Variants in PARP12 observed in about 807,000 individuals in gnomAD.
PARP12 encodes the protein protein mono-ADP-ribosyltransferase PARP12.
In PARP12, 59 loss-of-function variants were observed where a neutral mutation model predicts 72.4. The observed-to-expected ratio is 0.81, with a 90% CI of 0.66 to 1.01. The LOEUF (loss-of-function observed/expected upper bound fraction) is 1.01. Among genes scored for constraint, PARP12 ranks in the 50% least tolerant of loss-of-function variants. PARP12 has a pLI of 0.00. For missense variants in PARP12, 851 were observed against 914.0 expected (o/e 0.93, Z 0.89); for synonymous variants, 403 against 371.4 (o/e 1.09, Z -0.98).
chr7:140,046,832 G>GTGTC (rs2116612901), intron 5 of PARP12, 52 bp downstream of exon 5: 1 of 1,096,082 alleles, frequency 9.1e-7, no homozygotes, highest in African/African-American at 2.1e-5. Context: ...GTGTGTGTGT[G>GTGTC]TCACACACAG....
intron 1 of PARP12, among the ~76,000 whole-genome samples, chr7:140,058,434 C>T (rs1011687386): frequency 5.9e-5 from 9 of 151,686 alleles, no homozygotes; most frequent in Non-Finnish European, 1.2e-4. Context: ...TGGCATGAAC[C>T]CGAGAGGCGG....
chr7:140,057,225 C>A, intron 2 of PARP12, 72 bp from the exon 3 acceptor site: 1 of 1,416,370 alleles, frequency 7.1e-7, no homozygotes, highest in Non-Finnish European at 9.6e-7. Context: ...AGTGGCCAGT[C>A]CACTGGTGAG....
At chr7:140,030,769 T>C (rs1413673357) in intron 8 of PARP12, among the ~76,000 whole-genome samples, 1 of 152,234 alleles carries the variant, frequency 6.6e-6, no homozygotes, top group Non-Finnish European at 1.5e-5. Context: ...CTGTAAACTT[T>C]CTTAAAACAT....
chr7:140,035,691 T>C (rs1257009755), intron 7 of PARP12, among the ~76,000 whole-genome samples: 1 of 152,232 alleles, frequency 6.6e-6, no homozygotes, highest in Non-Finnish European at 1.5e-5. Context: ...TTTGTGTGTT[T>C]TAAATGTACT....
Position 140,057,171 on chromosome 7 carries a change from A to C in PARP12, c.463-18T>G. The stretch of plus-strand genomic sequence containing the variant: ...TGGCAAATCTGTTGACAGAGAGGGA[A>C]AAAACCACCAGTTCAGGAAGGTCTC... On this transcript the variant is annotated intron_variant, in intron 2 of 11. Coordinates refer to ENST00000263549, the MANE Select transcript of PARP12 (RefSeq NM_022750.4). The C allele has an allele frequency of 6.2e-7, 1 of 1,603,284 alleles. No homozygotes were observed. The highest frequency in any genetic ancestry group is 2.2e-5 in the East Asian group (1 of 44,814).
At chr7:140,047,590 C>T (rs1816783936) in intron 4 of PARP12, among the ~76,000 whole-genome samples, 1 of 152,132 alleles carries the variant, frequency 6.6e-6, no homozygotes, top group Non-Finnish European at 1.5e-5. Context: ...AGACATACAT[C>T]TTCCTTCTTT....
At chr7:140,046,548 C>A (rs950550832) in intron 5 of PARP12, among the ~76,000 whole-genome samples, 1 of 152,218 alleles carries the variant, frequency 6.6e-6, no homozygotes, top group African/African-American at 2.4e-5. Flanking sequence ...CATGATCAAT[C>A]CCAGCACCAA....
chr7:140,056,420 T>G (rs1388919430), intron 3 of PARP12, among the ~76,000 whole-genome samples: 1 of 152,206 alleles, frequency 6.6e-6, no homozygotes, highest in Non-Finnish European at 1.5e-5. Context: ...AAGGTATGCT[T>G]CTTTCACTCA....
intron 8 of PARP12, 48 bp downstream of exon 8, chr7:140,034,187 A>AC (rs1816055206): frequency 6.3e-7 from 1 of 1,594,668 alleles, no homozygotes; most frequent in African/African-American, 1.3e-5. Context: ...TGCAGAGCAC[A>AC]CCCCAGCTGA....
chr7:140,060,857 A>C (rs1355824922), intron 1 of PARP12, among the ~76,000 whole-genome samples: 1 of 152,158 alleles, frequency 6.6e-6, no homozygotes, highest in East Asian at 1.9e-4. Context: ...TGGGGCTGCA[A>C]CTACAACATA....
intron 8 of PARP12, among the ~76,000 whole-genome samples, chr7:140,030,178 A>C (rs1442820723): frequency 2.0e-5 from 3 of 152,218 alleles, no homozygotes; most frequent in Non-Finnish European, 4.4e-5. Flanking sequence ...ACCAACAGGC[A>C]ATTTCTCAAA....
chr7:140,035,371 T>A (rs1166029710), intron 7 of PARP12, among the ~76,000 whole-genome samples: 1 of 152,228 alleles, frequency 6.6e-6, no homozygotes, highest in Non-Finnish European at 1.5e-5. Flanking sequence ...GAATCTTAAA[T>A]GGCTTTCACT....
At chr7:140,046,255 A>G (rs1360476483) in intron 5 of PARP12, among the ~76,000 whole-genome samples, 2 of 152,218 alleles carry the variant, frequency 1.3e-5, no homozygotes, top group African/African-American at 4.8e-5. Flanking sequence ...GTGCAAATTT[A>G]TTTTACACAC....
intron 6 of PARP12, among the ~76,000 whole-genome samples, chr7:140,039,843 A>G (rs1030405279): frequency 1.3e-5 from 2 of 152,186 alleles, no homozygotes; most frequent in Non-Finnish European, 2.9e-5. Flanking sequence ...AGCACGTGGC[A>G]TATCAATAAC....
At position 140,054,710 on chromosome 7, in the gene PARP12, C is replaced by T; in HGVS notation, c.814G>A (p.Gly272Ser). 1 of 1,614,146 alleles carries T rather than the reference C, an allele frequency of 6.2e-7. No homozygotes were observed. Among genetic ancestry groups the T allele is most frequent in the East Asian group, 2.2e-5 (1 of 44,882 alleles). The stretch of plus-strand genomic sequence containing the variant: ...ATATGGTACAAACAGATCTGATCAC[C>T]CTCCTCCTGGCTAAGAGTGTTTGGG... ...VSPNTLSQEE[G>S]DQICLYHIRK... The change falls in exon 4 of 12, where the codon GGT becomes AGT. Residue 272 changes from glycine to serine, a missense_variant. Coordinates refer to ENST00000263549, the MANE Select transcript of PARP12 (RefSeq NM_022750.4).
chr7:140,047,875 C>T (rs996320835), intron 4 of PARP12, among the ~76,000 whole-genome samples: 1 of 152,142 alleles, frequency 6.6e-6, no homozygotes, highest in Non-Finnish European at 1.5e-5. Context: ...CTTGGCCTCC[C>T]AAAGTGCTGG....
chr7:140,027,667 C>T lies in PARP12; in HGVS notation c.1498-261G>A, dbSNP rs549638764. 1.0e-4 allele frequency: 31 copies of T among 302,708 alleles called. No homozygotes were observed. In the East Asian group the frequency reaches 1.2e-3, roughly 12 times the overall value. 18.8% of individuals were successfully genotyped at this position (302,708 alleles called of 1,614,324 possible). ...CAGTTAGCATATGGGAAATTGGTTT[C>T]GTTAGACAGTATGTTGTGCCACTTT... On this transcript the variant is annotated intron_variant, in intron 9 of 11. Transcript: ENST00000263549.
At chr7:140,057,243 C>T (rs1006677413) in intron 2 of PARP12, 90 bp from the exon 3 acceptor site, 1 of 1,221,066 alleles carries the variant, frequency 8.2e-7, no homozygotes, top group South Asian at 1.5e-5. Context: ...GAGAAAGGGG[C>T]TTCACAAGCT....
chr7:140,035,011 G>T (rs540030538), intron 7 of PARP12, among the ~76,000 whole-genome samples: 1 of 152,310 alleles, frequency 6.6e-6, no homozygotes, highest in South Asian at 2.1e-4. Context: ...ACCAGCTCAA[G>T]TAATCCTCCC....
Sources: allele counts gnomAD v4.1 joint callset (sites outside exome capture counted in the v4.1 genomes callset), GRCh38; gene constraint gnomAD v4.1.1; transcripts MANE v1.5; gene names NCBI Gene and HGNC (gene_info 2026-07-23, HGNC 2026-07-21).